Variants in TDRP observed in about 807,000 individuals in gnomAD.
TDRP encodes testis development-related protein.
Under a neutral mutation model 10.5 loss-of-function variants are expected in TDRP, and 12 were observed. The observed-to-expected ratio is 1.15, with a 90% CI of 0.73 to 1.86. The LOEUF (loss-of-function observed/expected upper bound fraction) is 1.86, where lower values mean the gene tolerates loss of function less well. Ranked by LOEUF, TDRP falls within the 40% of genes most tolerant of loss-of-function variation. The pLI, the probability that TDRP is intolerant of heterozygous loss-of-function variation, is 0.00. For missense variants in TDRP, 353 were observed against 229.2 expected (o/e 1.54, Z -3.49); for synonymous variants, 139 against 95.4 (o/e 1.46, Z -2.67).
chr8:503,609 G>A (rs568517125), intron 1 of TDRP, among the ~76,000 whole-genome samples: 62 of 140,084 alleles, frequency 4.4e-4, no homozygotes, highest in African/African-American at 1.8e-3. Context: ...ACCCACCTCA[G>A]CACGCACCCA....
At chr8:538,770 T>G (rs187172761) in intron 1 of TDRP, among the ~76,000 whole-genome samples, 84 of 152,326 alleles carry the variant, frequency 5.5e-4, no homozygotes, top group African/African-American at 1.9e-3. Flanking sequence ...AAGAAGCTAT[T>G]GAATATAAAT....
At chr8:532,465 G>C (rs1244609942) in intron 1 of TDRP, among the ~76,000 whole-genome samples, 2 of 152,208 alleles carry the variant, frequency 1.3e-5, no homozygotes, top group African/African-American at 4.8e-5. Flanking sequence ...TACTCTGCTA[G>C]GGTGAAGACC....
At chr8:534,291 G>C (rs1320108702) in intron 1 of TDRP, among the ~76,000 whole-genome samples, 1 of 152,224 alleles carries the variant, frequency 6.6e-6, no homozygotes, top group East Asian at 1.9e-4. Context: ...AGTTGCCACA[G>C]TCAATTAGCA....
intron 2 of TDRP, among the ~76,000 whole-genome samples, 176 bp from the exon 3 acceptor site, chr8:492,920 G>C (rs1461984066): frequency 1.3e-5 from 2 of 152,144 alleles, no homozygotes; most frequent in Non-Finnish European, 2.9e-5. Context: ...ACTATATGTT[G>C]TTAATGAAGT....
intron 1 of TDRP, 115 bp downstream of exon 1, chr8:544,535 G>C: frequency 5.8e-6 from 4 of 689,074 alleles, no homozygotes; most frequent in African/African-American, 3.7e-5. Context: ...AACCTCACCT[G>C]CCCGCCCAAA....
chr8:513,887 T>A (rs1030827203), intron 1 of TDRP, among the ~76,000 whole-genome samples: 7 of 152,202 alleles, frequency 4.6e-5, no homozygotes, highest in Non-Finnish European at 8.8e-5. Context: ...AAGAAAGCAA[T>A]TCCAGTTACA....
At chr8:509,126 TG>T (rs1479343912) in intron 1 of TDRP, among the ~76,000 whole-genome samples, 1 of 152,226 alleles carries the variant, frequency 6.6e-6, no homozygotes, top group Non-Finnish European at 1.5e-5. Flanking sequence ...TTGCAGGGTA[TG>T]GCCCCCTGGC....
At chr8:534,451 C>A (rs1242939168) in intron 1 of TDRP, among the ~76,000 whole-genome samples, 1 of 152,182 alleles carries the variant, frequency 6.6e-6, no homozygotes, top group African/African-American at 2.4e-5. Flanking sequence ...TTCATTCACA[C>A]CGAACTCTCA....
At chr8:525,786 A>G (rs1228982371) in intron 1 of TDRP, among the ~76,000 whole-genome samples, 1 of 152,226 alleles carries the variant, frequency 6.6e-6, no homozygotes, top group Non-Finnish European at 1.5e-5. Context: ...CAACCAGAAA[A>G]CAAGTAAGAA....
rs1373039238 is a variant in TDRP, at chr8:490,283, T to C, written c.*2116A>G. The C allele has an allele frequency of 6.6e-6, 1 of 152,246 alleles. No individual in the cohort carries two copies. Among genetic ancestry groups the C allele is most frequent in the Non-Finnish European group, 1.5e-5 (1 of 68,038 alleles). 9.4% of individuals were successfully genotyped at this position (152,246 alleles called of 1,614,324 possible). A position where few individuals can be genotyped will look rare whatever the true frequency, so the allele number is the denominator to read the frequency against. The stretch of plus-strand genomic sequence containing the variant: ...GAAAAAATCATTTTTACATTAGTCT[T>C]TGTAGATAAGAAAAATTTGATTTAC... On this transcript the variant is annotated 3_prime_UTR_variant, in exon 3 of 3. Coordinates refer to ENST00000324079, the MANE Select transcript of TDRP (RefSeq NM_001384899.1).
chr8:492,526 G>A lies in TDRP; in HGVS notation c.431C>T (p.Thr144Ile), dbSNP rs1801008672. ...SGWEDDAKGS[T>I]KYTSLASSAN... ...AGAGCTGGCCAGGCTGGTGTACTTG[G>A]TCGAGCCCTTGGCGTCATCCTCCCA... is the stretch of plus-strand genomic sequence containing the variant. Residue 144 changes from threonine to isoleucine, a missense_variant, in exon 3 of 3, where the codon ACC becomes ATC. Transcript: ENST00000324079. 1.2e-6 allele frequency: 2 copies of A among 1,610,800 alleles called. No homozygotes were observed. The highest frequency in any genetic ancestry group is 4.5e-5 in the East Asian group (2 of 44,788).
At chr8:500,720 G>A (rs931518741) in intron 1 of TDRP, among the ~76,000 whole-genome samples, 12 of 152,194 alleles carry the variant, frequency 7.9e-5, no homozygotes, top group African/African-American at 2.2e-4. Context: ...GGAAGGGCAG[G>A]TGTATCGGAC....
Position 544,680 on chromosome 8 carries a change from T to C in TDRP, c.78A>G (p.Pro26=), listed in dbSNP as rs1009065910. 1 of 1,243,956 alleles carries C rather than the reference T, an allele frequency of 8.0e-7. No homozygotes were observed. The allele number at this position is 1,243,956 out of a possible 1,614,324, so 77.1% of individuals were successfully genotyped here. The change falls in exon 1 of 3, where the codon CCA becomes CCG. Residue 26 remains proline, a synonymous_variant. Transcript: ENST00000324079. The stretch of plus-strand genomic sequence containing the variant: ...CCTGGGCGGCGGCGGCGGCGGCCGG[T>C]GGCGGCCCCCCACGCAGGCCGTCCT... ...EEEDGLRGGP[P]PAAAAAAQAQ... is the part of the protein sequence containing the mutation.
rs1321960350 is a variant in TDRP at position 491,642 on chromosome 8, T to C, written c.*757A>G. 1 of 1,531,324 alleles carries C rather than the reference T, an allele frequency of 6.5e-7. No individual in the cohort carries two copies. The highest frequency in any genetic ancestry group is 1.2e-5 in the South Asian group (1 of 82,758). The allele number at this position is 1,531,324 out of a possible 1,614,324, so 94.9% of individuals were successfully genotyped here. A position where few individuals can be genotyped will look rare whatever the true frequency, so the allele number is the denominator to read the frequency against. On this transcript the variant is annotated 3_prime_UTR_variant, in exon 3 of 3. Transcript: ENST00000324079. ...ATGTTTCCTAAATGAAATTATCAACTGACTAAAATTGATCCATACTTCTTT... is the reference window on the plus strand; with the variant it reads ...ATGTTTCCTAAATGAAATTATCAACCGACTAAAATTGATCCATACTTCTTT...
At chr8:513,751 G>A (rs1563123305) in intron 1 of TDRP, among the ~76,000 whole-genome samples, 1 of 152,212 alleles carries the variant, frequency 6.6e-6, no homozygotes, top group South Asian at 2.1e-4. Context: ...AAAATATGAA[G>A]TAGTCCACTA....
intron 1 of TDRP, among the ~76,000 whole-genome samples, chr8:510,109 G>C (rs1397717420): frequency 6.6e-6 from 1 of 152,190 alleles, no homozygotes; most frequent in African/African-American, 2.4e-5. Flanking sequence ...CCGCCAGTGT[G>C]TTCACCAACC....
chr8:525,100 T>TC (rs1312078532), intron 1 of TDRP, among the ~76,000 whole-genome samples: 1 of 152,058 alleles, frequency 6.6e-6, no homozygotes, highest in African/African-American at 2.4e-5. Flanking sequence ...ACAATGGAGC[T>TC]CCGATAGGTC....
chr8:506,842 C>T (rs1801478621), intron 1 of TDRP, among the ~76,000 whole-genome samples: 1 of 152,202 alleles, frequency 6.6e-6, no homozygotes, highest in African/African-American at 2.4e-5. Context: ...ACTTCATTTG[C>T]ACAGAGTGTA....
intron 1 of TDRP, among the ~76,000 whole-genome samples, chr8:516,072 C>G (rs1056973038): frequency 1.3e-5 from 2 of 151,950 alleles, no homozygotes; most frequent in Non-Finnish European, 2.9e-5. Context: ...AAAATCATAC[C>G]TGAATGCCTG....
Sources: allele counts gnomAD v4.1 joint callset (sites outside exome capture counted in the v4.1 genomes callset), GRCh38; gene constraint gnomAD v4.1.1; transcripts MANE v1.5; gene names NCBI Gene and HGNC (gene_info 2026-07-23, HGNC 2026-07-21).